The following CEP128 variants were observed in gnomAD, a reference collection of about 807,000 sequenced individuals.
CEP128 encodes the protein centrosomal protein 128kDa.
In CEP128, 132 loss-of-function variants were observed where a neutral mutation model predicts 156.7. That is an observed-to-expected ratio of 0.84 (90% CI 0.73 to 0.97). The LOEUF (loss-of-function observed/expected upper bound fraction) is 0.97. CEP128 is among the 50% of genes least tolerant of loss of function. The probability of loss-of-function intolerance (pLI) is 0.00; values close to 1 mark genes in which losing one functional copy is unlikely to be tolerated. For missense variants in CEP128, 1,252 were observed against 1,281.9 expected (o/e 0.98, Z 0.36); for synonymous variants, 469 against 448.9 (o/e 1.04, Z -0.57).
In CEP128 at chr14:80,785,304, A is replaced by G. The variant is rs1901344295; in HGVS notation, c.1802T>C (p.Ile601Thr). 2 of 1,614,012 alleles carry G rather than the reference A, an allele frequency of 1.2e-6. No individual in the cohort carries two copies. Among genetic ancestry groups the G allele is most frequent in the Non-Finnish European group, 1.7e-6 (2 of 1,180,008 alleles). ...TTTCTCAACTTTCATCTGGCTTTGG[A>G]TCTTACTCTGCTTTTTCAATTCGCT... ...LESELKKQSK[I>T]QSQMKVEKAH... The change falls in exon 15 of 25, where the codon ATC (isoleucine) becomes ACC (threonine). Residue 601 changes from isoleucine to threonine, a missense_variant. Transcript: ENST00000555265.
At chr14:80,541,060 C>T (rs1406748343) in intron 21 of CEP128, among the ~76,000 whole-genome samples, 1 of 152,068 alleles carries the variant, frequency 6.6e-6, no homozygotes, top group African/African-American at 2.4e-5. Flanking sequence ...AAAAGATCAT[C>T]AATAAGAAGA....
chr14:80,669,174 A>G (rs1435030932), intron 19 of CEP128, among the ~76,000 whole-genome samples: 1 of 152,184 alleles, frequency 6.6e-6, no homozygotes, highest in Non-Finnish European at 1.5e-5. Context: ...TTAACTCAAG[A>G]TGGATCAAAG....
intron 19 of CEP128, among the ~76,000 whole-genome samples, chr14:80,597,098 C>G (rs1595065068): frequency 6.7e-6 from 1 of 150,094 alleles, no homozygotes; most frequent in Non-Finnish European, 1.5e-5. Context: ...CAATAGAGAA[C>G]AAGAGGGAAA....
At chr14:80,675,356 T>C (rs1383299923) in intron 19 of CEP128, among the ~76,000 whole-genome samples, 1 of 152,070 alleles carries the variant, frequency 6.6e-6, no homozygotes, top group Non-Finnish European at 1.5e-5. Context: ...ATGTGAGTAT[T>C]CAACTTTATA....
chr14:80,705,306 T>C lies in CEP128; in HGVS notation c.2806+37769A>G, dbSNP rs1242761509. Among the ~76,000 whole-genome samples the C allele has an allele frequency of 7.9e-5, 12 of 151,630 alleles. No homozygotes were observed. In the Admixed American group the frequency reaches 7.9e-4, roughly 10 times the overall value. On this transcript the variant is annotated intron_variant, in intron 19 of 24. Transcript: ENST00000555265. ...CTTGTGTGTGTGTGTGTGTGTTTTG[T>C]TTTTTTGTTTTTAGTGGAAAACAGA...
intron 19 of CEP128, among the ~76,000 whole-genome samples, chr14:80,605,683 T>C (rs1463797944): frequency 6.6e-6 from 1 of 152,084 alleles, no homozygotes; most frequent in Non-Finnish European, 1.5e-5. Flanking sequence ...CTTTCTTTCC[T>C]GTCAGTGTCA....
chr14:80,525,732 G>A (rs553324247), intron 23 of CEP128, among the ~76,000 whole-genome samples: 1 of 152,186 alleles, frequency 6.6e-6, no homozygotes, highest in East Asian at 1.9e-4. Context: ...TCACAGTAAG[G>A]GTATCAATAA....
chr14:80,943,567 G>A (rs1027906635), upstream of CEP128, among the ~76,000 whole-genome samples: 4 of 152,204 alleles, frequency 2.6e-5, no homozygotes, highest in Non-Finnish European at 5.9e-5. Context: ...ACACAACTGG[G>A]ACCAAAGGGT....
At chr14:80,602,185 A>G (rs1163518480) in intron 19 of CEP128, among the ~76,000 whole-genome samples, 1 of 152,204 alleles carries the variant, frequency 6.6e-6, no homozygotes, top group East Asian at 1.9e-4. Context: ...GAGTCTCAAA[A>G]CACATGACAG....
At chr14:80,672,357 A>ATT in intron 19 of CEP128, among the ~76,000 whole-genome samples, 2 of 151,932 alleles carry the variant, frequency 1.3e-5, no homozygotes, top group African/African-American at 4.8e-5. Context: ...TCTTTTTTAA[A>ATT]AAAAAAATCA....
intron 9 of CEP128, among the ~76,000 whole-genome samples, chr14:80,860,402 T>A (rs1224444674): frequency 6.6e-6 from 1 of 152,180 alleles, no homozygotes; most frequent in African/African-American, 2.4e-5. Context: ...ACAATTTCAA[T>A]GGAAATACCC....
chr14:80,570,413 G>T (rs995608466), intron 20 of CEP128, among the ~76,000 whole-genome samples: 2 of 152,088 alleles, frequency 1.3e-5, no homozygotes, highest in African/African-American at 4.8e-5. Flanking sequence ...ATCGTGCCCG[G>T]CCCATATGTT....
rs1401007659 is a variant in CEP128 at position 80,926,183 on chromosome 14, TG to T, written c.-15-9622del. ...GTGCTATAGCCACAGGCACAGGACC[TG>T]GGTGCCTCTACTTCATGGGCTGACC... On this transcript the variant is annotated intron_variant, in intron 2 of 24. Coordinates refer to ENST00000555265, the MANE Select transcript of CEP128 (RefSeq NM_152446.5). Among the ~76,000 whole-genome samples the T allele has an allele frequency of 3.9e-5, 6 of 152,280 alleles. No individual in the cohort carries two copies. The East Asian group carries it at 1.2e-3, about 30-fold the overall frequency.
intron 19 of CEP128, among the ~76,000 whole-genome samples, chr14:80,676,444 A>ATT (rs61606038): frequency 2.7e-5 from 4 of 150,682 alleles, no homozygotes; most frequent in Non-Finnish European, 5.9e-5. Context: ...TTAATTTGTG[A>ATT]TTTTTTTTAA....
At chr14:80,701,569 T>C (rs1050613282) in intron 19 of CEP128, among the ~76,000 whole-genome samples, 2 of 152,116 alleles carry the variant, frequency 1.3e-5, no homozygotes, top group Admixed American at 6.6e-5. Flanking sequence ...GTCCTCTTCC[T>C]GGGCATCAAG....
intron 2 of CEP128, among the ~76,000 whole-genome samples, chr14:80,936,511 AG>A (rs1885816996): frequency 6.6e-6 from 1 of 152,244 alleles, no homozygotes; most frequent in African/African-American, 2.4e-5. Flanking sequence ...AAATACCCCA[AG>A]CACTAGCATT....
At chr14:80,506,719 G>A (rs776930941) in intron 23 of CEP128, among the ~76,000 whole-genome samples, 12 of 152,120 alleles carry the variant, frequency 7.9e-5, no homozygotes, top group Non-Finnish European at 1.3e-4. Context: ...TACAATGTAC[G>A]TAAGTGCAAA....
intron 19 of CEP128, among the ~76,000 whole-genome samples, chr14:80,673,317 T>A (rs1449405875): frequency 6.6e-6 from 1 of 152,162 alleles, no homozygotes; most frequent in East Asian, 1.9e-4. Context: ...AGTAAAACTA[T>A]TGTTTCATTA....
intron 19 of CEP128, among the ~76,000 whole-genome samples, chr14:80,717,350 T>C (rs1001215137): frequency 1.3e-5 from 2 of 152,288 alleles, no homozygotes; most frequent in African/African-American, 4.8e-5. Flanking sequence ...GGCTATAACA[T>C]TTAAAACTAA....
Sources: gnomAD v4.1 joint callset for allele counts (sites outside exome capture counted in the v4.1 genomes callset) on GRCh38, gnomAD v4.1.1 for gene constraint, MANE v1.5 for transcripts, NCBI Gene and HGNC (gene_info 2026-07-23, HGNC 2026-07-21) for gene names.